Variants in STXBP4 observed in about 807,000 individuals in gnomAD.
The protein encoded by STXBP4 is syntaxin binding protein 4, also known as syntaxin-binding protein 4.
A neutral mutation model predicts 76.1 loss-of-function variants in STXBP4; 55 were observed. The ratio of observed to expected loss-of-function variants is 0.72; its 90% CI spans 0.58 to 0.91. The LOEUF is 0.91. Among genes scored for constraint, STXBP4 ranks in the 40% least tolerant of loss-of-function variants. The pLI is 0.00. For missense variants in STXBP4, 618 were observed against 636.9 expected, an observed-to-expected ratio of 0.97 and a Z score of 0.32; for synonymous variants, 201 against 220.2, an observed-to-expected ratio of 0.91 and a Z score of 0.77.
intron 12 of STXBP4, among the ~76,000 whole-genome samples, chr17:55,060,851 C>G (rs1309034275): frequency 6.6e-6 from 1 of 152,196 alleles, no homozygotes; most frequent in Non-Finnish European, 1.5e-5. Context: ...AAAGCCTACT[C>G]TCACACTTAA....
At chr17:55,015,787 G>A (rs1021453024) in intron 8 of STXBP4, among the ~76,000 whole-genome samples, 4 of 151,944 alleles carry the variant, frequency 2.6e-5, no homozygotes, top group African/African-American at 9.7e-5. Flanking sequence ...TAGACTCTGA[G>A]GGCTTCCTGT....
chr17:55,084,344 T>C (rs2079295907), intron 16 of STXBP4, among the ~76,000 whole-genome samples: 1 of 152,224 alleles, frequency 6.6e-6, no homozygotes, highest in Admixed American at 6.5e-5. Flanking sequence ...TTTTTTCTTG[T>C]AAATTTGTTT....
At chr17:55,055,547 A>G (rs76427579) in intron 12 of STXBP4, among the ~76,000 whole-genome samples, 2,157 of 152,282 alleles carry the variant, frequency 0.014, 40 homozygotes, top group African/African-American at 0.04. Flanking sequence ...CAAAGCAGCC[A>G]GAAATATTGT....
At chr17:55,180,573 C>T in the STXBP4 span, among the ~76,000 whole-genome samples, 2 of 152,010 alleles carry the variant, frequency 1.3e-5, no homozygotes, top group Non-Finnish European at 2.9e-5. Flanking sequence ...TAAAGAATTA[C>T]AATTTAGAGA....
At chr17:55,044,877 A>T (rs1480562138) in intron 11 of STXBP4, 1 of 150,926 alleles carries the variant, frequency 6.6e-6, no homozygotes, top group Non-Finnish European at 1.5e-5. Flanking sequence ...CTCTCTTTAT[A>T]AGAATTATAT....
chr17:55,043,376 G>C (rs772660610), intron 11 of STXBP4, 51 bp downstream of exon 11: 1 of 1,140,594 alleles, frequency 8.8e-7, no homozygotes, highest in Admixed American at 3.1e-5. Context: ...AAAAGAAAAA[G>C]AAAAAAATCC....
intron 8 of STXBP4, among the ~76,000 whole-genome samples, chr17:55,026,352 A>G (rs1343827205): frequency 6.6e-6 from 1 of 152,132 alleles, no homozygotes; most frequent in Non-Finnish European, 1.5e-5. Context: ...TTTTCCCCCC[A>G]AGATGGTAGA....
chr17:55,070,314 A>G (rs1167393316), intron 12 of STXBP4, among the ~76,000 whole-genome samples: 2 of 152,344 alleles, frequency 1.3e-5, no homozygotes, highest in African/African-American at 4.8e-5. Context: ...GTGCTGGCAC[A>G]TAGTTAGCCA....
chr17:55,036,536 CTTT>C (rs1435925090), intron 10 of STXBP4, among the ~76,000 whole-genome samples: 2 of 151,450 alleles, frequency 1.3e-5, no homozygotes, highest in African/African-American at 2.4e-5. Flanking sequence ...TACCCATTTG[CTTT>C]TTATTTTCCA....
At chr17:55,196,339 C>A in the STXBP4 span, among the ~76,000 whole-genome samples, 10 of 152,262 alleles carry the variant, frequency 6.6e-5, no homozygotes, top group African/African-American at 2.2e-4. Flanking sequence ...CTGCCACACA[C>A]CCCATACTCC....
the STXBP4 span, among the ~76,000 whole-genome samples, chr17:55,208,577 A>AGAAGGAAGGGAGGAAGGAAG: frequency 1.1e-5 from 1 of 90,334 alleles, no homozygotes; most frequent in African/African-American, 4.6e-5. Flanking sequence ...GAGGGAGGGA[A>AGAAGGAAGGGAGGAAGGAAG]GAAGGAAGGA....
chr17:54,980,257 AT>A (rs1204252859), intron 1 of STXBP4, among the ~76,000 whole-genome samples: 1 of 152,170 alleles, frequency 6.6e-6, no homozygotes, highest in Non-Finnish European at 1.5e-5. Flanking sequence ...TTCCCAAAAT[AT>A]TTTTTGTTAT....
the STXBP4 span, among the ~76,000 whole-genome samples, chr17:55,194,233 G>A: frequency 6.6e-6 from 1 of 152,088 alleles, no homozygotes; most frequent in African/African-American, 2.4e-5. Context: ...AGGCAGGCTG[G>A]CTCTTAGATT....
chr17:55,058,338 G>T (rs750141864), intron 12 of STXBP4, among the ~76,000 whole-genome samples: 1 of 152,044 alleles, frequency 6.6e-6, no homozygotes, highest in Non-Finnish European at 1.5e-5. Flanking sequence ...TTTCTTGGCC[G>T]CATAAATGCC....
At chr17:55,092,777 T>C (rs867071166) in intron 16 of STXBP4, among the ~76,000 whole-genome samples, 54 of 152,308 alleles carry the variant, frequency 3.5e-4, no homozygotes, top group African/African-American at 1.3e-3. Context: ...GGCAGTACTG[T>C]AACATTTTAA....
intron 4 of STXBP4, among the ~76,000 whole-genome samples, chr17:54,993,766 T>A (rs1274956466): frequency 6.6e-6 from 1 of 152,238 alleles, no homozygotes; most frequent in Non-Finnish European, 1.5e-5. Flanking sequence ...TAATATTTTT[T>A]AAATGCATAT....
intron 13 of STXBP4, among the ~76,000 whole-genome samples, chr17:55,076,742 A>C (rs2079187215): frequency 6.6e-6 from 1 of 151,990 alleles, no homozygotes; most frequent in Non-Finnish European, 1.5e-5. Flanking sequence ...TTTCTCTTTC[A>C]TTCTTTGTAT....
chr17:55,039,363 A>C (rs549197588), intron 10 of STXBP4, among the ~76,000 whole-genome samples: 45 of 152,164 alleles, frequency 3.0e-4, no homozygotes, highest in African/African-American at 1.1e-3. Context: ...AAAAAAGATA[A>C]TTGGGTTCAT....
intron 12 of STXBP4, among the ~76,000 whole-genome samples, chr17:55,071,859 T>G (rs1371503930): frequency 1.3e-5 from 2 of 152,186 alleles, no homozygotes; most frequent in Non-Finnish European, 2.9e-5. Context: ...CCATGGCAAT[T>G]GGAGCAGAAA....
Sources: gnomAD v4.1 joint callset for allele counts (sites outside exome capture counted in the v4.1 genomes callset) on GRCh38, gnomAD v4.1.1 for gene constraint, MANE v1.5 for transcripts, NCBI Gene and HGNC (gene_info 2026-07-23, HGNC 2026-07-21) for gene names.